Variants in PCLO observed in about 807,000 individuals in gnomAD.
The protein encoded by PCLO is piccolo presynaptic cytomatrix protein.
PCLO carries 82 observed loss-of-function variants against 427.5 expected under a neutral mutation model. The ratio of observed to expected loss-of-function variants is 0.19; its 90% CI spans 0.16 to 0.23. The LOEUF is 0.23. PCLO is among the 10% of genes least tolerant of loss of function. PCLO has a pLI of 1.00. For missense variants in PCLO, 6,239 were observed against 6,115.9 expected, an observed-to-expected ratio of 1.02 and a Z score of -0.67; for synonymous variants, 2,357 against 2,155.4, an observed-to-expected ratio of 1.09 and a Z score of -2.59.
intron 3 of PCLO, among the ~76,000 whole-genome samples, chr7:83,110,746 A>G (rs1790983465): frequency 1.3e-5 from 2 of 152,166 alleles, no homozygotes; most frequent in South Asian, 4.1e-4. Context: ...TTGCTGCTTC[A>G]ATATCAGGGT....
chr7:83,129,233 C>G (rs995290874), intron 3 of PCLO, among the ~76,000 whole-genome samples: 1 of 152,162 alleles, frequency 6.6e-6, no homozygotes, highest in African/African-American at 2.4e-5. Context: ...GAGAAAAGTG[C>G]TTGGCACAAT....
intron 22 of PCLO, among the ~76,000 whole-genome samples, chr7:82,793,702 A>G (rs968662586): frequency 2.6e-5 from 4 of 152,152 alleles, no homozygotes; most frequent in Non-Finnish European, 5.9e-5. Context: ...TTTGATTTCC[A>G]TATCTCTATA....
chr7:83,036,686 T>C (rs1441112832), intron 3 of PCLO, among the ~76,000 whole-genome samples: 1 of 152,094 alleles, frequency 6.6e-6, no homozygotes, highest in Admixed American at 6.6e-5. Flanking sequence ...AGTCTGAATA[T>C]AGAACAGTAA....
intron 3 of PCLO, among the ~76,000 whole-genome samples, chr7:83,059,357 A>AAAAAAAAT (rs1332566491): frequency 1.3e-4 from 14 of 111,802 alleles, no homozygotes; most frequent in Admixed American, 4.8e-4. Flanking sequence ...ACACCTTTAA[A>AAAAAAAAT]ATATATATAT....
chr7:82,871,567 T>G (rs1016386085), intron 10 of PCLO, among the ~76,000 whole-genome samples: 60 of 152,026 alleles, frequency 3.9e-4, no homozygotes, highest in Admixed American at 9.8e-4. Context: ...TAGCAATAAT[T>G]TATTGTATAT....
intron 3 of PCLO, among the ~76,000 whole-genome samples, chr7:83,015,587 C>T (rs896888714): frequency 2.0e-5 from 3 of 151,768 alleles, no homozygotes; most frequent in East Asian, 1.9e-4. Context: ...TACTGTGTCC[C>T]GATATAAACA....
chr7:83,030,579 T>C (rs184647283), intron 3 of PCLO, among the ~76,000 whole-genome samples: 1 of 152,266 alleles, frequency 6.6e-6, no homozygotes, highest in East Asian at 1.9e-4. Flanking sequence ...AGGGCTGGAA[T>C]TACAGTGATG....
At chr7:82,794,427 G>T (rs1406656179) in intron 22 of PCLO, among the ~76,000 whole-genome samples, 1 of 89,286 alleles carries the variant, frequency 1.1e-5, no homozygotes, top group East Asian at 3.5e-4. Flanking sequence ...AAAAGCCATT[G>T]TTACTGACAT....
At chr7:82,838,368 T>C (rs1238914460) in intron 14 of PCLO, 26 bp from the exon 15 acceptor site, 2 of 1,346,826 alleles carry the variant, frequency 1.5e-6, no homozygotes, top group Non-Finnish European at 2.0e-6. Flanking sequence ...AAATATTCCA[T>C]AAGTTTTTAA....
chr7:83,134,242 T>C lies in PCLO; in HGVS notation c.3300+8A>G, dbSNP rs183301643. The C allele has an allele frequency of 7.5e-6, 8 of 1,065,442 alleles. No homozygotes were observed. The East Asian group carries it at 2.2e-4, about 30-fold the overall frequency. The allele number at this position is 1,065,442 out of a possible 1,614,324, so 66.0% of individuals were successfully genotyped here. On this transcript the variant is annotated splice_region_variant and intron_variant, in intron 3 of 24. Coordinates refer to ENST00000333891, the MANE Select transcript of PCLO (RefSeq NM_033026.6). Reference sequence around the variant, plus strand: ...TAATATATATATATATATATATATATAACTTACCTCAGTCAAATGTGGTGT... The same window carrying C: ...TAATATATATATATATATATATATACAACTTACCTCAGTCAAATGTGGTGT...
Position 83,120,384 on chromosome 7 carries a change from G to A in PCLO, c.3300+13866C>T, listed in dbSNP as rs1406642406. ...TCACTGCACTCCAGCTTGGGTGTTGGAGTGAGACTCTGCCTCAGAAAAAAA... is the reference window on the plus strand; with the variant it reads ...TCACTGCACTCCAGCTTGGGTGTTGAAGTGAGACTCTGCCTCAGAAAAAAA... On this transcript the variant is annotated intron_variant, in intron 3 of 24. Coordinates refer to ENST00000333891, the MANE Select transcript of PCLO (RefSeq NM_033026.6). 2.9e-5 allele frequency among the ~76,000 whole-genome samples: 4 copies of A among 138,396 alleles called. No individual in the cohort carries two copies. In the East Asian group the frequency reaches 9.6e-4, roughly 33 times the overall value. 90.8% of individuals were successfully genotyped at this position (138,396 alleles called of 152,430 possible).
chr7:83,080,636 TCTTA>T (rs1299129755), intron 3 of PCLO, among the ~76,000 whole-genome samples: 4 of 152,124 alleles, frequency 2.6e-5, no homozygotes, highest in African/African-American at 7.2e-5. Context: ...AATTCAGAAT[TCTTA>T]CTTTTATGCC....
chr7:82,841,337 TACAG>T, intron 14 of PCLO, 118 bp downstream of exon 14: 1 of 669,976 alleles, frequency 1.5e-6, no homozygotes, highest in African/African-American at 1.8e-5. Context: ...ATTTTTCCTT[TACAG>T]TTCTGTATAT....
At chr7:82,919,224 C>T (rs1449727431) in intron 6 of PCLO, among the ~76,000 whole-genome samples, 1 of 151,870 alleles carries the variant, frequency 6.6e-6, no homozygotes, top group East Asian at 1.9e-4. Flanking sequence ...TATCCCAGAA[C>T]TTAAAGTATA....
chr7:83,142,817 G>A (rs189916024), intron 2 of PCLO, among the ~76,000 whole-genome samples: 119 of 152,200 alleles, frequency 7.8e-4, no homozygotes, highest in Middle Eastern at 3.4e-3. Context: ...AAATCAGCCC[G>A]GCATGCTGGC....
chr7:82,898,115 T>C (rs1287433418), intron 9 of PCLO, among the ~76,000 whole-genome samples: 3 of 151,560 alleles, frequency 2.0e-5, no homozygotes, highest in Non-Finnish European at 3.0e-5. Context: ...TAATTTGGAC[T>C]TAATAGAAGG....
intron 3 of PCLO, among the ~76,000 whole-genome samples, chr7:83,074,109 G>A (rs1789888619): frequency 6.6e-6 from 1 of 151,788 alleles, no homozygotes; most frequent in Non-Finnish European, 1.5e-5. Context: ...GAAACCATAA[G>A]GAATTTCAAG....
At chr7:83,039,697 TA>T (rs1255389282) in intron 3 of PCLO, among the ~76,000 whole-genome samples, 2 of 152,144 alleles carry the variant, frequency 1.3e-5, no homozygotes, top group African/African-American at 4.8e-5. Context: ...TAATTCCATA[TA>T]AATTTTAAGA....
intron 7 of PCLO, among the ~76,000 whole-genome samples, chr7:82,909,515 T>TC (rs1183270270): frequency 6.6e-6 from 1 of 151,976 alleles, no homozygotes; most frequent in Non-Finnish European, 1.5e-5. Flanking sequence ...TGCACATGTA[T>TC]CCCAGAACTT....
Sources: allele counts gnomAD v4.1 joint callset (sites outside exome capture counted in the v4.1 genomes callset), GRCh38; gene constraint gnomAD v4.1.1; transcripts MANE v1.5; gene names NCBI Gene and HGNC (gene_info 2026-07-23, HGNC 2026-07-21).